Variants in VPS39 observed in about 807,000 individuals in gnomAD.
The protein encoded by VPS39 is VPS39 subunit of HOPS complex, also known as vam6/Vps39-like protein.
In VPS39, 70 loss-of-function variants were observed where a neutral mutation model predicts 121.0. That is an observed-to-expected ratio of 0.58 (90% CI 0.48 to 0.71). VPS39 has a LOEUF of 0.71. VPS39 is among the 30% of genes least tolerant of loss of function. VPS39 has a pLI of 0.00. For missense variants in VPS39, 818 were observed against 1,051.5 expected (o/e 0.78, Z 3.07); for synonymous variants, 378 against 398.1 (o/e 0.95, Z 0.60).
intron 10 of VPS39, 79 bp from the exon 11 acceptor site, chr15:42,173,931 G>A (rs2049395832): frequency 6.5e-7 from 1 of 1,532,304 alleles, no homozygotes; most frequent in Non-Finnish European, 8.9e-7. Context: ...TAGAGAAGAT[G>A]CTAGGAGCTA....
At chr15:42,165,869 G>T in intron 16 of VPS39, 53 bp from the exon 17 acceptor site, 1 of 1,523,770 alleles carries the variant, frequency 6.6e-7, no homozygotes, top group Non-Finnish European at 9.1e-7. Context: ...TGCAGTTCCA[G>T]CAAACACACA....
chr15:42,160,639 A>C lies in VPS39; in HGVS notation c.*115T>G. ...GTTCCAGGGCACAAGATAGCCAGTA[A>C]TGTCCAAATGGGGAGCCTTGTGGTG... is the stretch of plus-strand genomic sequence containing the variant. On this transcript the variant is annotated 3_prime_UTR_variant, in exon 25 of 25. Transcript: ENST00000318006. The C allele has an allele frequency of 1.1e-6, 1 of 894,374 alleles. No individual in the cohort carries two copies. Among genetic ancestry groups the C allele is most frequent in the Non-Finnish European group, 1.9e-6 (1 of 533,444 alleles). 55.4% of individuals were successfully genotyped at this position (894,374 alleles called of 1,614,324 possible).
At position 42,162,079 on chromosome 15, in the gene VPS39, G is replaced by A. The variant is rs368266273; in HGVS notation, c.2413C>T (p.Arg805Trp). 15 of 1,614,060 alleles carry A rather than the reference G, an allele frequency of 9.3e-6. No homozygotes were observed. Among genetic ancestry groups the A allele is most frequent in the East Asian group, 6.7e-5 (3 of 44,904 alleles). ...KVLEENAQKK[R>W]FNQVLKNLLH... ...AGGTTCTTGAGCACTTGATTGAACCGTTTCTTTTGTGCATTTTCTTCCAAG... is the reference window on the plus strand; with the variant it reads ...AGGTTCTTGAGCACTTGATTGAACCATTTCTTTTGTGCATTTTCTTCCAAG... Residue 805 changes from arginine to tryptophan, a missense_variant, in exon 23 of 25, where the codon CGG becomes TGG. Physicochemically the swap from Arg to Trp is moderately radical, Grantham distance 101 (BLOSUM62 -3). Transcript: ENST00000318006.
chr15:42,184,200 A>T (rs910286663), intron 8 of VPS39: 13 of 189,592 alleles, frequency 6.9e-5, no homozygotes, highest in Non-Finnish European at 1.4e-4. Context: ...TATTTGGCAG[A>T]GGACACAATC....
At chr15:42,191,993 C>G in intron 2 of VPS39, 1 of 1,493,750 alleles carries the variant, frequency 6.7e-7, no homozygotes, top group East Asian at 2.5e-5. Flanking sequence ...TAACTAAGTT[C>G]TGTATCACGG....
rs544547759 is a variant in VPS39, at chr15:42,168,150, G to A, written c.1234-613C>T. Among the ~76,000 whole-genome samples, 107 of 152,180 alleles carry A rather than the reference G, an allele frequency of 7.0e-4. 1 individual carries two copies. Among genetic ancestry groups the A allele is most frequent in the Non-Finnish European group, 1.2e-3 (85 of 68,030 alleles). On this transcript the variant is annotated intron_variant, in intron 12 of 24. Transcript: ENST00000318006. The stretch of plus-strand genomic sequence containing the variant: ...ATCCAGTATGTATTCTCTTGAGTCT[G>A]GCAGAGCCCATGGTCTTGCTCTGCC...
chr15:42,189,794 C>CT (rs34353468), intron 4 of VPS39, among the ~76,000 whole-genome samples: 2,051 of 33,960 alleles, frequency 0.06, 685 homozygotes, highest in African/African-American at 0.15. Context: ...CCAAAACACT[C>CT]TTTTTTTTTT....
rs1168587289 is a variant in VPS39, at chr15:42,191,044, A to G, written c.247+81T>C. ...GTCAGTTCATTGTTAAGTAACCACT[A>G]TCAAATTAACCATGAAAGGATTAAT... On this transcript the variant is annotated intron_variant, in intron 4 of 24. Coordinates refer to ENST00000318006, the MANE Select transcript of VPS39 (RefSeq NM_015289.5). The G allele has an allele frequency of 3.9e-6, 6 of 1,519,652 alleles. No homozygotes were observed. In the East Asian group the frequency reaches 6.8e-5, roughly 17 times the overall value. The allele number at this position is 1,519,652 out of a possible 1,614,324, so 94.1% of individuals were successfully genotyped here.
intron 1 of VPS39, among the ~76,000 whole-genome samples, chr15:42,205,446 C>T (rs1435691349): frequency 1.3e-5 from 2 of 152,066 alleles, no homozygotes; most frequent in African/African-American, 4.8e-5. Context: ...AAGTGAGTGC[C>T]AGGCCAAGGA....
At chr15:42,163,966 C>T (rs997932726) in intron 19 of VPS39, among the ~76,000 whole-genome samples, 1 of 152,190 alleles carries the variant, frequency 6.6e-6, no homozygotes, top group Non-Finnish European at 1.5e-5. Context: ...TAAGAATATT[C>T]ATTCAGCAGC....
At chr15:42,167,719 A>G (rs528425008) in intron 12 of VPS39, among the ~76,000 whole-genome samples, 182 bp from the exon 13 acceptor site, 2 of 152,182 alleles carry the variant, frequency 1.3e-5, no homozygotes, top group Non-Finnish European at 2.9e-5. Context: ...TTGAATATTT[A>G]CTACAGACCA....
chr15:42,189,835 C>G (rs1461661548), intron 4 of VPS39, among the ~76,000 whole-genome samples: 2 of 111,244 alleles, frequency 1.8e-5, no homozygotes, highest in Non-Finnish European at 3.4e-5. Flanking sequence ...CACGGTCTCA[C>G]TCTGTTGCCC....
chr15:42,164,330 G>A (rs369477622), intron 19 of VPS39, 28 bp downstream of exon 19: 6 of 1,613,294 alleles, frequency 3.7e-6, no homozygotes, highest in Middle Eastern at 1.6e-4. Context: ...TCGCTGAAGT[G>A]GCTTCTGGCC....
At chr15:42,185,005 T>C (rs2049670538) in intron 7 of VPS39, among the ~76,000 whole-genome samples, 1 of 152,168 alleles carries the variant, frequency 6.6e-6, no homozygotes, top group Non-Finnish European at 1.5e-5. Flanking sequence ...GTTTGTTGGT[T>C]TCTTACAAAG....
intron 7 of VPS39, among the ~76,000 whole-genome samples, chr15:42,185,876 T>G (rs1595668511): frequency 6.6e-6 from 1 of 152,228 alleles, no homozygotes; most frequent in Non-Finnish European, 1.5e-5. Context: ...TTTTACTGTA[T>G]GTAAATAAGT....
chr15:42,187,485 C>A, intron 6 of VPS39, 122 bp from the exon 7 acceptor site: 2 of 878,772 alleles, frequency 2.3e-6, no homozygotes, highest in South Asian at 3.6e-5. Context: ...CACAATTCTA[C>A]AGGCACAAGG....
chr15:42,181,155 T>A (rs2049573363), intron 8 of VPS39, among the ~76,000 whole-genome samples: 2 of 152,200 alleles, frequency 1.3e-5, no homozygotes, highest in Admixed American at 1.3e-4. Context: ...AAATGTGGTA[T>A]ATACACACAG....
chr15:42,181,452 A>G (rs2049578443), intron 8 of VPS39, among the ~76,000 whole-genome samples: 1 of 152,158 alleles, frequency 6.6e-6, no homozygotes, highest in South Asian at 2.1e-4. Context: ...TTTGCAACAT[A>G]AAAAAGTTCT....
chr15:42,166,786 C>G lies in VPS39; in HGVS notation c.1505G>C (p.Gly502Ala). The change falls in exon 14 of 25, where the codon GGG (glycine) becomes GCG (alanine). Residue 502 changes from glycine (G) to alanine (A), a missense_variant. Coordinates refer to ENST00000318006, the MANE Select transcript of VPS39 (RefSeq NM_015289.5). ...CACTCCCACACCTTTCTCGTGGAGC[C>G]CCTTCTTCTCATACAGGATGATAAG... Reference protein sequence around the residue: ...SELIILYEKKGLHEKALQVLV... With the variant: ...SELIILYEKKALHEKALQVLV... The G allele has an allele frequency of 1.2e-6, 2 of 1,614,144 alleles. No homozygotes were observed. The highest frequency in any genetic ancestry group is 1.7e-6 in the Non-Finnish European group (2 of 1,179,974).
Sources: allele counts gnomAD v4.1 joint callset (sites outside exome capture counted in the v4.1 genomes callset), GRCh38; gene constraint gnomAD v4.1.1; transcripts MANE v1.5; gene names NCBI Gene and HGNC (gene_info 2026-07-23, HGNC 2026-07-21).